MDFI: variants seen among roughly 807,000 people sequenced by gnomAD.
MDFI encodes the protein MyoD family inhibitor.
A neutral mutation model predicts 22.3 loss-of-function variants in MDFI; 16 were observed. The ratio of observed to expected loss-of-function variants is 0.72; its 90% CI spans 0.49 to 1.09. The LOEUF (loss-of-function observed/expected upper bound fraction) is 1.09, where lower values mean the gene tolerates loss of function less well. Among genes scored for constraint, MDFI ranks in the 50% least tolerant of loss-of-function variants. MDFI has a pLI of 0.00. For synonymous variants in MDFI, 145 were observed against 142.7 expected, an observed-to-expected ratio of 1.02 and a Z score of -0.12; for missense variants, 314 against 326.1, an observed-to-expected ratio of 0.96 and a Z score of 0.29.
chr6:41,651,107 G>A (rs919337694), intron 4 of MDFI, among the ~76,000 whole-genome samples: 15 of 128,172 alleles, frequency 1.2e-4, no homozygotes, highest in South Asian at 2.8e-4. Flanking sequence ...CTCCGGAGGC[G>A]GAGGTTGCAG....
rs1237674797 is a variant in MDFI, at chr6:41,646,156, A to C, written c.107A>C (p.Glu36Ala). The C allele has an allele frequency of 2.4e-5, 38 of 1,559,410 alleles. No individual in the cohort carries two copies. The highest frequency in any genetic ancestry group is 3.1e-5 in the Non-Finnish European group (36 of 1,155,014). ...AQTLSLLPGLEVVTGSTHPAE... is the reference protein window; with the variant it reads ...AQTLSLLPGLAVVTGSTHPAE... ...ACCCTATCCCTCCTTCCTGGGCTGG[A>C]GGTAGTAACAGGATCCACTCACCCT... The change falls in exon 3 of 5, where the codon GAG (glutamate) becomes GCG (alanine). Residue 36 changes from glutamate to alanine, a missense_variant. Glu to Ala is a moderately radical substitution (Grantham distance 107). Coordinates refer to ENST00000230321, the MANE Select transcript of MDFI (RefSeq NM_005586.4).
intron 4 of MDFI, among the ~76,000 whole-genome samples, chr6:41,652,302 C>G (rs978190345): frequency 6.6e-6 from 1 of 152,208 alleles, no homozygotes; most frequent in African/African-American, 2.4e-5. Flanking sequence ...GCAGAGTGAT[C>G]TGGAGGAGAA....
At chr6:41,645,360 T>A (rs966944851) in intron 2 of MDFI, among the ~76,000 whole-genome samples, 1 of 151,954 alleles carries the variant, frequency 6.6e-6, no homozygotes, top group Non-Finnish European at 1.5e-5. Flanking sequence ...CATTTCTGCC[T>A]CCTGCCGCCC....
At chr6:41,641,504 G>T (rs1439366564) in intron 2 of MDFI, among the ~76,000 whole-genome samples, 1 of 152,206 alleles carries the variant, frequency 6.6e-6, no homozygotes, top group African/African-American at 2.4e-5. Context: ...AGACCATGGG[G>T]AGGCCGGTCT....
intron 4 of MDFI, 187 bp downstream of exon 4, chr6:41,650,030 G>A (rs113191598): frequency 3.0e-5 from 18 of 602,122 alleles, no homozygotes; most frequent in African/African-American, 1.3e-4. Context: ...GGAACCTGAC[G>A]CATGACCAAA....
chr6:41,637,629 T>C (rs1767685107), upstream of MDFI, among the ~76,000 whole-genome samples: 1 of 151,986 alleles, frequency 6.6e-6, no homozygotes. The surrounding 1 kb of genome is among the most constrained non-coding windows in gnomAD (Gnocchi z 6.8). Context: ...CTGAACCCTC[T>C]TGGACTGCCT....
chr6:41,647,203 G>T (rs934772236), intron 3 of MDFI, among the ~76,000 whole-genome samples: 4 of 152,222 alleles, frequency 2.6e-5, no homozygotes, highest in Non-Finnish European at 5.9e-5. Context: ...AGAGAAAGAG[G>T]TCAGCGCCTT....
At chr6:41,637,938 C>T (rs1310175777), upstream of MDFI, among the ~76,000 whole-genome samples, 2 of 152,176 alleles carry the variant, frequency 1.3e-5, no homozygotes, top group African/African-American at 4.8e-5. This position sits in a 1 kb window ranked among gnomAD's most constrained non-coding sequence, Gnocchi z 6.8. Flanking sequence ...GGACAGACAA[C>T]TCTGGCGCTG....
intron 2 of MDFI, among the ~76,000 whole-genome samples, chr6:41,643,573 G>A: frequency 8.5e-6 from 1 of 117,826 alleles, no homozygotes; most frequent in Non-Finnish European, 1.8e-5. Context: ...AAGGAAGGAA[G>A]GAAGGAGGGA....
intron 2 of MDFI, chr6:41,639,857 T>A (rs1443917139): frequency 2.0e-6 from 2 of 985,294 alleles, no homozygotes; most frequent in African/African-American, 3.5e-5. Flanking sequence ...AGCCTCCACA[T>A]GCGCCCTCGA....
Position 41,653,263 on chromosome 6 carries a change from C to A in MDFI, c.485-56C>A. ...GGCCCCCACACCCCCGGCTATTTCA[C>A]ACACGCTCATCCCTCCCCTCTCTCA... On this transcript the variant is annotated intron_variant, in intron 4 of 4. Coordinates refer to ENST00000230321, the MANE Select transcript of MDFI (RefSeq NM_005586.4). This position sits in a 1 kb window ranked among gnomAD's most constrained non-coding sequence, Gnocchi z 4.2. 1.3e-6 allele frequency: 2 copies of A among 1,575,306 alleles called. No homozygotes were observed. The highest frequency in any genetic ancestry group is 1.7e-6 in the Non-Finnish European group (2 of 1,156,988).
intron 2 of MDFI, chr6:41,639,870 C>T (rs1236686259): frequency 1.0e-6 from 1 of 985,314 alleles, no homozygotes. Flanking sequence ...GCCCTCGAAG[C>T]CGGCCTGCCT....
intron 3 of MDFI, among the ~76,000 whole-genome samples, chr6:41,647,229 G>T (rs1269171430): frequency 1.3e-5 from 2 of 152,206 alleles, no homozygotes; most frequent in Non-Finnish European, 2.9e-5. Context: ...TGGAGGAGGG[G>T]GTCTGGTGGG....
Position 41,642,998 on chromosome 6 carries a change from G to A in MDFI, c.77-3128G>A, listed in dbSNP as rs944380496. On this transcript the variant is annotated intron_variant, in intron 2 of 4. Transcript: ENST00000230321. ...TCTAACACTGCGGGGAGGAGGGGGA[G>A]CAGGGCAGGGAGCAGAAGTCCTGGC... 2.6e-5 allele frequency among the ~76,000 whole-genome samples: 4 copies of A among 152,282 alleles called. No homozygotes were observed. In the South Asian group the frequency reaches 8.3e-4, roughly 32 times the overall value.
intron 2 of MDFI, among the ~76,000 whole-genome samples, chr6:41,643,186 G>A (rs527257538): frequency 5.3e-5 from 8 of 152,210 alleles, no homozygotes; most frequent in African/African-American, 1.7e-4. Flanking sequence ...TCTGTGTAGC[G>A]GCTCACTCGG....
In MDFI at chr6:41,653,399, T is replaced by C. The variant is rs1237859017; in HGVS notation, c.565T>C (p.Cys189Arg). ...CAACATCGTCCTGGACTGCGCCACC[T>C]GTGGCTCCTGCAGCTCGGAGGACTC... Reference protein sequence around the residue: ...LCNIVLDCATCGSCSSEDSCL... With the variant: ...LCNIVLDCATRGSCSSEDSCL... The change falls in exon 5 of 5, where the codon TGT becomes CGT. Residue 189 changes from cysteine (C) to arginine (R), a missense_variant. Physicochemically the swap from Cys to Arg is radical, Grantham distance 180. Transcript: ENST00000230321. The surrounding 1 kb of genome is among the most constrained non-coding windows in gnomAD (Gnocchi z 4.2). 1.2e-6 allele frequency: 2 copies of C among 1,610,762 alleles called. No individual in the cohort carries two copies. Among genetic ancestry groups the C allele is most frequent in the African/African-American group, 1.3e-5 (1 of 74,916 alleles).
intron 3 of MDFI, among the ~76,000 whole-genome samples, chr6:41,648,409 G>A (rs187812141): frequency 3.9e-4 from 59 of 152,356 alleles, no homozygotes; most frequent in African/African-American, 9.1e-4. Context: ...AAGGGCTGGC[G>A]TGCAGGAAGC....
chr6:41,641,502 G>A (rs1298732964), intron 2 of MDFI, among the ~76,000 whole-genome samples: 1 of 152,196 alleles, frequency 6.6e-6, no homozygotes, highest in Non-Finnish European at 1.5e-5. Flanking sequence ...CCAGACCATG[G>A]GGAGGCCGGT....
intron 4 of MDFI, among the ~76,000 whole-genome samples, chr6:41,651,504 C>T (rs561805612): frequency 1.6e-5 from 2 of 128,282 alleles, no homozygotes; most frequent in African/African-American, 6.3e-5. Flanking sequence ...AAAGGTGAGA[C>T]TCCTAGCAGG....
Sources: gnomAD v4.1 joint callset for allele counts (sites outside exome capture counted in the v4.1 genomes callset) on GRCh38, gnomAD v4.1.1 for gene constraint, Gnocchi (gnomAD v3.1) non-coding constraint, MANE v1.5 for transcripts, NCBI Gene and HGNC (gene_info 2026-07-23, HGNC 2026-07-21) for gene names.